COL26A1: variants seen among roughly 807,000 people sequenced by gnomAD.
COL26A1 encodes the protein collagen alpha-1(XXVI) chain.
Under a neutral mutation model 59.3 loss-of-function variants are expected in COL26A1, and 41 were observed. The observed-to-expected ratio is 0.69, with a 90% CI of 0.54 to 0.90. COL26A1 has a LOEUF of 0.90. Ranked by LOEUF, COL26A1 falls within the 40% of genes least tolerant of loss-of-function variation. The pLI is 0.00. For missense variants in COL26A1, 612 were observed against 602.3 expected (o/e 1.02, Z -0.17); for synonymous variants, 266 against 256.0 (o/e 1.04, Z -0.37).
intron 1 of COL26A1, among the ~76,000 whole-genome samples, chr7:101,365,148 T>C (rs982735300): frequency 6.6e-6 from 1 of 152,202 alleles, no homozygotes; most frequent in South Asian, 2.1e-4. Flanking sequence ...CCGGGGCTTC[T>C]ATGAGGAGCA....
At chr7:101,487,872 G>A (rs1009662128) in intron 3 of COL26A1, among the ~76,000 whole-genome samples, 3 of 152,146 alleles carry the variant, frequency 2.0e-5, no homozygotes, top group Admixed American at 6.5e-5. Context: ...TGCACCCACC[G>A]GCTATCACAG....
intron 3 of COL26A1, among the ~76,000 whole-genome samples, chr7:101,522,355 T>G (rs1297649790): frequency 6.6e-6 from 1 of 152,216 alleles, no homozygotes; most frequent in Non-Finnish European, 1.5e-5. Flanking sequence ...TCTGTCTCAG[T>G]CTGTTTTGTG....
At position 101,412,640 on chromosome 7, in the gene COL26A1, G is replaced by A. The variant is rs545320059; in HGVS notation, c.159-7337G>A. Among the ~76,000 whole-genome samples, 124 of 96,600 alleles carry A rather than the reference G, an allele frequency of 1.3e-3. 1 individual carries two copies. Among genetic ancestry groups the A allele is most frequent in the African/African-American group, 4.3e-3 (109 of 25,542 alleles). The allele number at this position is 96,600 out of a possible 152,430, so 63.4% of individuals were successfully genotyped here. A position where few individuals can be genotyped will look rare whatever the true frequency, so the allele number is the denominator to read the frequency against. On this transcript the variant is annotated intron_variant, in intron 1 of 12. Coordinates refer to ENST00000313669, the MANE Select transcript of COL26A1 (RefSeq NM_001278563.3). Reference sequence around the variant, plus strand: ...AGCCTGGGCCACAGAGCGAGACTCCGTCTCAAAAAAAAAAAAAAAAAAAAA... The same window carrying A: ...AGCCTGGGCCACAGAGCGAGACTCCATCTCAAAAAAAAAAAAAAAAAAAAA...
intron 1 of COL26A1, 77 bp downstream of exon 1, chr7:101,363,267 G>A: frequency 8.0e-7 from 1 of 1,244,472 alleles, no homozygotes; most frequent in South Asian, 1.6e-5. Flanking sequence ...CTGGGTGGCT[G>A]GAGCGAGGCT....
intron 2 of COL26A1, among the ~76,000 whole-genome samples, chr7:101,425,005 C>G (rs1175482446): frequency 1.3e-5 from 2 of 152,040 alleles, no homozygotes; most frequent in Non-Finnish European, 2.9e-5. Context: ...TCACTGCAGC[C>G]TTGAACTCCT....
At chr7:101,551,220 C>A in intron 10 of COL26A1, 77 bp downstream of exon 10, 2 of 114,100 alleles carry the variant, frequency 1.8e-5, no homozygotes. Context: ...CACTGGGTGG[C>A]GGGGGTTGGT....
At chr7:101,387,013 GT>G (rs989914293) in intron 1 of COL26A1, among the ~76,000 whole-genome samples, 7 of 152,158 alleles carry the variant, frequency 4.6e-5, no homozygotes, top group African/African-American at 1.4e-4. Flanking sequence ...CCGGGGTAGG[GT>G]TACCGCACAC....
intron 1 of COL26A1, among the ~76,000 whole-genome samples, chr7:101,417,037 T>G (rs1792386067): frequency 6.6e-6 from 1 of 152,184 alleles, no homozygotes; most frequent in African/African-American, 2.4e-5. Flanking sequence ...CCACCATGCC[T>G]GGCCAGAATT....
At chr7:101,435,873 C>A (rs2130338268) in intron 2 of COL26A1, among the ~76,000 whole-genome samples, 1 of 152,346 alleles carries the variant, frequency 6.6e-6, no homozygotes, top group South Asian at 2.1e-4. Context: ...CATCTGCCTC[C>A]TTCATTCCCC....
intron 9 of COL26A1, among the ~76,000 whole-genome samples, chr7:101,550,558 G>A (rs1435388180): frequency 6.6e-6 from 1 of 152,220 alleles, no homozygotes; most frequent in Non-Finnish European, 1.5e-5. Flanking sequence ...GGGCAGGGAA[G>A]GCTGTAGTTT....
chr7:101,466,837 T>TGTGTGAGAGAGA (rs764059657), intron 3 of COL26A1, among the ~76,000 whole-genome samples: 5 of 122,642 alleles, frequency 4.1e-5, no homozygotes, highest in Non-Finnish European at 5.2e-5. Flanking sequence ...TGTGTGTGTG[T>TGTGTGAGAGAGA]GAGAGAGAGA....
At chr7:101,556,652 T>C (rs1242621354) in intron 12 of COL26A1, among the ~76,000 whole-genome samples, 1 of 150,872 alleles carries the variant, frequency 6.6e-6, no homozygotes, top group Non-Finnish European at 1.5e-5. Context: ...AGTGAATGGA[T>C]GGATGGATGG....
chr7:101,548,302 C>T (rs550558334), intron 8 of COL26A1, among the ~76,000 whole-genome samples: 26 of 152,262 alleles, frequency 1.7e-4, no homozygotes, highest in African/African-American at 5.5e-4. Flanking sequence ...TCCCTGGGCC[C>T]GTGTGGGGTC....
intron 2 of COL26A1, among the ~76,000 whole-genome samples, chr7:101,430,112 ATTTCTTCCAGC>A (rs1792744904): frequency 6.6e-6 from 1 of 151,648 alleles, no homozygotes; most frequent in Non-Finnish European, 1.5e-5. Flanking sequence ...ATCTCTTTTT[ATTTCTTCCAGC>A]TTTCTTCATT....
intron 1 of COL26A1, among the ~76,000 whole-genome samples, chr7:101,387,768 A>ATTTTTTTTTTTTTT (rs1194001209): frequency 2.7e-4 from 10 of 36,466 alleles, no homozygotes; most frequent in Non-Finnish European, 5.7e-4. Context: ...ATATATATAT[A>ATTTTTTTTTTTTTT]TATATATATA....
chr7:101,514,492 G>A (rs1794988258), intron 3 of COL26A1, among the ~76,000 whole-genome samples: 1 of 152,160 alleles, frequency 6.6e-6, no homozygotes, highest in Non-Finnish European at 1.5e-5. Flanking sequence ...ATGAGTCAGG[G>A]GACCCAGGGT....
At chr7:101,378,976 T>A (rs1222920285) in intron 1 of COL26A1, among the ~76,000 whole-genome samples, 1 of 152,136 alleles carries the variant, frequency 6.6e-6, no homozygotes, top group Non-Finnish European at 1.5e-5. Flanking sequence ...GGAGTCTCAC[T>A]TGGGCTTCCC....
chr7:101,518,319 G>A (rs1795073167), intron 3 of COL26A1, among the ~76,000 whole-genome samples: 1 of 152,168 alleles, frequency 6.6e-6, no homozygotes, highest in African/African-American at 2.4e-5. Flanking sequence ...GCCCTCTGGG[G>A]TTCAGAGTGC....
rs1472530340 is a variant in COL26A1, at chr7:101,513,332, T to TTTTA, written c.386-19735_386-19732dup. On this transcript the variant is annotated intron_variant, in intron 3 of 12. Coordinates refer to ENST00000313669, the MANE Select transcript of COL26A1 (RefSeq NM_001278563.3). The stretch of plus-strand genomic sequence containing the variant: ...CTCTATTTATTTTATTTATTTTTAT[T>TTTTA]TTTATTTATTTATTTATTCTGAGAC... 2.6e-5 allele frequency among the ~76,000 whole-genome samples: 4 copies of TTTTA among 151,050 alleles called. No individual in the cohort carries two copies. In the South Asian group the frequency reaches 8.4e-4, roughly 32 times the overall value.
Sources: gnomAD v4.1 joint callset for allele counts (sites outside exome capture counted in the v4.1 genomes callset) on GRCh38, gnomAD v4.1.1 for gene constraint, MANE v1.5 for transcripts, NCBI Gene and HGNC (gene_info 2026-07-23, HGNC 2026-07-21) for gene names.